Variants in OTUD3 observed in about 807,000 individuals in gnomAD.
OTUD3 encodes OTU deubiquitinase 3.
In OTUD3, 24 loss-of-function variants were observed where a neutral mutation model predicts 46.2. The observed-to-expected ratio is 0.52, with a 90% confidence interval of 0.38 to 0.73. The LOEUF is 0.73. Ranked by LOEUF, OTUD3 falls within the 30% of genes least tolerant of loss-of-function variation. OTUD3 has a pLI of 0.00. For missense variants in OTUD3, 455 were observed against 523.3 expected, an observed-to-expected ratio of 0.87 and a Z score of 1.27; for synonymous variants, 189 against 195.4, an observed-to-expected ratio of 0.97 and a Z score of 0.27.
chr1:19,894,578 A>T (rs915255087), intron 3 of OTUD3, 98 bp downstream of exon 3: 22 of 701,874 alleles, frequency 3.1e-5, no homozygotes, highest in Non-Finnish European at 5.2e-5. Context: ...ACATTGAATT[A>T]TGCGGAGTAA....
At chr1:19,904,506 A>G in intron 5 of OTUD3, 108 bp downstream of exon 5, 3 of 935,256 alleles carry the variant, frequency 3.2e-6, no homozygotes, top group Admixed American at 2.4e-5. Context: ...TTGTGGGCCA[A>G]AATAGGCCCA....
chr1:19,890,370 TTG>T lies in OTUD3; in HGVS notation c.222-13_222-12del, dbSNP rs761326520. On this transcript the variant is annotated splice_polypyrimidine_tract_variant and intron_variant, in intron 1 of 7. Coordinates refer to ENST00000375120, the MANE Select transcript of OTUD3 (RefSeq NM_015207.2). Reference sequence around the variant, plus strand: ...CATTTTTGAAAGGTCTTGACTCGTGTTGTTGTTTTGACAGCAATTGCTTGTTC... The same window carrying T: ...CATTTTTGAAAGGTCTTGACTCGTGTTTGTTTTGACAGCAATTGCTTGTTC... 6.2e-7 allele frequency: 1 copy of T among 1,613,148 alleles called. No homozygotes were observed. The highest frequency in any genetic ancestry group is 1.1e-5 in the South Asian group (1 of 91,038).
At chr1:19,884,931 G>C (rs187641095) in intron 1 of OTUD3, among the ~76,000 whole-genome samples, 1 of 152,182 alleles carries the variant, frequency 6.6e-6, no homozygotes, top group Non-Finnish European at 1.5e-5. Flanking sequence ...ACTACTCTAT[G>C]AATTGGCCAG....
intron 1 of OTUD3, among the ~76,000 whole-genome samples, chr1:19,887,212 G>A (rs1553161860): frequency 6.6e-6 from 1 of 151,762 alleles, no homozygotes; most frequent in Non-Finnish European, 1.5e-5. Context: ...GGCCTCCTGT[G>A]TAGCTGGGAT....
In OTUD3 at chr1:19,896,537, A is replaced by G. The variant is rs1004339674; in HGVS notation, c.484-1003A>G. 7.2e-5 allele frequency among the ~76,000 whole-genome samples: 11 copies of G among 152,312 alleles called. No homozygotes were observed. The East Asian group carries it at 2.1e-3, about 29-fold the overall frequency. On this transcript the variant is annotated intron_variant, in intron 3 of 7. Transcript: ENST00000375120. ...TCTGCACTTGAGATCTGCGTATTCT[A>G]CTGGAAAAGCTTCCACGCTACTGAC...
chr1:19,887,589 G>A (rs942844282), intron 1 of OTUD3, among the ~76,000 whole-genome samples: 5 of 152,090 alleles, frequency 3.3e-5, no homozygotes, highest in African/African-American at 4.8e-5. Flanking sequence ...GTCTACCTCC[G>A]TAGAGCTAAG....
At chr1:19,905,239 G>A (rs1305619041) in intron 6 of OTUD3, among the ~76,000 whole-genome samples, 1 of 152,132 alleles carries the variant, frequency 6.6e-6, no homozygotes, top group African/African-American at 2.4e-5. Flanking sequence ...GGGGTTGGGA[G>A]TACAGGGTGC....
intron 4 of OTUD3, chr1:19,897,947 C>CT (rs535971585): frequency 0.11 from 17,481 of 161,516 alleles, 909 homozygotes; most frequent in Middle Eastern, 0.15. Context: ...TAATCCACAC[C>CT]TTTTTTTTTT....
intron 4 of OTUD3, among the ~76,000 whole-genome samples, chr1:19,900,799 ATAAT>A (rs1557679940): frequency 6.6e-6 from 1 of 151,730 alleles, no homozygotes; most frequent in Non-Finnish European, 1.5e-5. Context: ...TTTTTCACTC[ATAAT>A]TAATTTTCTT....
intron 1 of OTUD3, among the ~76,000 whole-genome samples, chr1:19,883,423 T>C (rs1229506792): frequency 6.6e-6 from 1 of 151,824 alleles, no homozygotes; most frequent in Non-Finnish European, 1.5e-5. Flanking sequence ...TCCAGGAACA[T>C]GGATGGAAGA....
chr1:19,898,516 G>T (rs1393402378), intron 4 of OTUD3, among the ~76,000 whole-genome samples: 2 of 151,628 alleles, frequency 1.3e-5, no homozygotes, highest in African/African-American at 4.8e-5. Context: ...ATCACCTGAG[G>T]TCGGGAGTTC....
chr1:19,897,486 A>G, intron 3 of OTUD3, 54 bp from the exon 4 acceptor site: 1 of 1,600,200 alleles, frequency 6.2e-7, no homozygotes, highest in South Asian at 1.1e-5. Flanking sequence ...GTTTCTCTCC[A>G]GAAGTTGATA....
rs1230382652 is a variant in OTUD3, at chr1:19,907,636, C to T, written c.1087C>T (p.Arg363Cys). ...EKKKRQEERH[R>C]HKALESRGSH... Reference sequence around the variant, plus strand: ...GAAGAAGCGGCAGGAGGAGAGGCACCGCCACAAAGCCCTGGAGAGCAGAGG... The same window carrying T: ...GAAGAAGCGGCAGGAGGAGAGGCACTGCCACAAAGCCCTGGAGAGCAGAGG... Residue 363 changes from arginine (R) to cysteine (C), a missense_variant, in exon 8 of 8, where the codon CGC (arginine) becomes TGC (cysteine). Coordinates refer to ENST00000375120, the MANE Select transcript of OTUD3 (RefSeq NM_015207.2). 12 of 1,613,958 alleles carry T rather than the reference C, an allele frequency of 7.4e-6. 1 individual carries two copies. Among genetic ancestry groups the T allele is most frequent in the Admixed American group, 3.3e-5 (2 of 59,994 alleles).
intron 4 of OTUD3, among the ~76,000 whole-genome samples, chr1:19,898,747 AG>A (rs1230103891): frequency 3.3e-5 from 5 of 151,866 alleles, no homozygotes; most frequent in Non-Finnish European, 7.4e-5. Context: ...AAAAAAAATT[AG>A]CATTATTGCA....
At chr1:19,905,069 C>G (rs919324608) in intron 6 of OTUD3, 82 bp downstream of exon 6, 18 of 781,504 alleles carry the variant, frequency 2.3e-5, no homozygotes, top group Non-Finnish European at 3.9e-5. Context: ...AACCAAGTCA[C>G]AGGTGGTAAC....
At chr1:19,896,942 G>T (rs113915664) in intron 3 of OTUD3, among the ~76,000 whole-genome samples, 1 of 152,152 alleles carries the variant, frequency 6.6e-6, no homozygotes, top group South Asian at 2.1e-4. Flanking sequence ...TGAAGCTGAC[G>T]TAGGTAGGAG....
intron 2 of OTUD3, among the ~76,000 whole-genome samples, chr1:19,892,327 CATAGTT>C (rs1293150646): frequency 5.3e-5 from 8 of 152,286 alleles, no homozygotes; most frequent in African/African-American, 1.7e-4. Flanking sequence ...AGTCTTGAGT[CATAGTT>C]ACCTGTTTTT....
chr1:19,906,383 T>G, intron 6 of OTUD3, 49 bp from the exon 7 acceptor site: 1 of 1,556,054 alleles, frequency 6.4e-7, no homozygotes, highest in Non-Finnish European at 8.8e-7. Flanking sequence ...GTCATCACCC[T>G]GTGTAACTCT....
chr1:19,890,591 C>T (rs565598121), intron 2 of OTUD3, 58 bp downstream of exon 2: 3 of 1,425,116 alleles, frequency 2.1e-6, no homozygotes, highest in African/African-American at 2.8e-5. Context: ...TAATTAAGTC[C>T]ACTGGCATCC....
Sources: gnomAD v4.1 joint callset for allele counts (sites outside exome capture counted in the v4.1 genomes callset) on GRCh38, gnomAD v4.1.1 for gene constraint, MANE v1.5 for transcripts, NCBI Gene and HGNC (gene_info 2026-07-23, HGNC 2026-07-21) for gene names.